STON2: variants seen among roughly 807,000 people sequenced by gnomAD.
The protein encoded by STON2 is stonin 2, also known as stonin-2.
A neutral mutation model predicts 65.7 loss-of-function variants in STON2; 29 were observed. The ratio of observed to expected loss-of-function variants is 0.44; its 90% CI spans 0.33 to 0.60. The LOEUF (loss-of-function observed/expected upper bound fraction) is 0.60, where lower values mean the gene tolerates loss of function less well. Among genes scored for constraint, STON2 ranks in the 20% least tolerant of loss-of-function variants. STON2 has a pLI of 0.03. For synonymous variants in STON2, 404 were observed against 414.2 expected (o/e 0.98, Z 0.30); for missense variants, 1,054 against 1,118.1 (o/e 0.94, Z 0.82).
chr14:81,339,071 T>A (rs964242592), intron 4 of STON2, among the ~76,000 whole-genome samples: 4 of 151,790 alleles, frequency 2.6e-5, no homozygotes, highest in Admixed American at 2.6e-4. Context: ...GGTGGCCAAT[T>A]AGGCAGGAAA....
At chr14:81,275,220 A>G (rs548249487) in intron 6 of STON2, among the ~76,000 whole-genome samples, 1 of 152,292 alleles carries the variant, frequency 6.6e-6, no homozygotes, top group South Asian at 2.1e-4. Flanking sequence ...ACGTTTGTAC[A>G]TACTGGAAAA....
chr14:81,298,217 C>T (rs1226383054), intron 5 of STON2, among the ~76,000 whole-genome samples: 1 of 152,100 alleles, frequency 6.6e-6, no homozygotes, highest in African/African-American at 2.4e-5. Flanking sequence ...GGGTGCCCTT[C>T]CAGGAAGGAG....
At chr14:81,382,609 C>T (rs543542752) in intron 3 of STON2, among the ~76,000 whole-genome samples, 1 of 152,090 alleles carries the variant, frequency 6.6e-6, no homozygotes, top group Admixed American at 6.5e-5. Context: ...GCAGGGCCTC[C>T]GGCGATGACA....
At chr14:81,297,491 C>T (rs1350131720) in intron 5 of STON2, among the ~76,000 whole-genome samples, 3 of 152,174 alleles carry the variant, frequency 2.0e-5, no homozygotes, top group Non-Finnish European at 2.9e-5. Flanking sequence ...GCAAATTTCT[C>T]AATTTCTGAG....
At chr14:81,400,745 T>C (rs1339214733), upstream of STON2, among the ~76,000 whole-genome samples, 1 of 152,152 alleles carries the variant, frequency 6.6e-6, no homozygotes, top group Non-Finnish European at 1.5e-5. Flanking sequence ...CGAATAGAGA[T>C]TGTGATCACA....
intron 3 of STON2, among the ~76,000 whole-genome samples, chr14:81,380,804 G>C (rs1899477964): frequency 6.6e-6 from 1 of 152,044 alleles, no homozygotes. Flanking sequence ...GAAAACAACA[G>C]ACCCTGGGGC....
In STON2 at chr14:81,329,227, G is replaced by A. The variant is rs559847399; in HGVS notation, c.572-5040C>T. Among the ~76,000 whole-genome samples the A allele has an allele frequency of 3.9e-5, 6 of 152,158 alleles. No individual in the cohort carries two copies. The South Asian group carries it at 6.2e-4, about 16-fold the overall frequency. The stretch of plus-strand genomic sequence containing the variant: ...TCCCAGCACTTTGGGAGGCCGAGGC[G>A]GGCAGATCACGAGGTCGGGAGATAG... On this transcript the variant is annotated intron_variant, in intron 4 of 7. Transcript: ENST00000614646.
At position 81,261,446 on chromosome 14, in the gene STON2, A is replaced by G. The variant is rs565668982; in HGVS notation, c.*6968T>C. Reference sequence around the variant, plus strand: ...ACCAGAAAAGAAACTAAAATTACACACTCAAACATACCATGAAAGAGATGC... The same window carrying G: ...ACCAGAAAAGAAACTAAAATTACACGCTCAAACATACCATGAAAGAGATGC... On this transcript the variant is annotated 3_prime_UTR_variant, in exon 8 of 8. Coordinates refer to ENST00000614646, the MANE Select transcript of STON2 (RefSeq NM_001394390.1). 1.6e-3 allele frequency: 270 copies of G among 167,986 alleles called. No homozygotes were observed. The highest frequency in any genetic ancestry group is 6.4e-3 in the African/African-American group (260 of 40,448). 10.4% of individuals were successfully genotyped at this position (167,986 alleles called of 1,614,324 possible). A position where few individuals can be genotyped will look rare whatever the true frequency, so the allele number is the denominator to read the frequency against.
intron 5 of STON2, among the ~76,000 whole-genome samples, chr14:81,282,501 G>C (rs1005816267): frequency 1.3e-5 from 2 of 152,030 alleles, no homozygotes; most frequent in African/African-American, 2.4e-5. Flanking sequence ...GCTGTTCTTA[G>C]TACTACTGCT....
At chr14:81,385,619 C>T (rs551888167) in intron 3 of STON2, among the ~76,000 whole-genome samples, 16 of 152,290 alleles carry the variant, frequency 1.1e-4, no homozygotes, top group African/African-American at 3.9e-4. Context: ...CTGAGGGCGC[C>T]ATCCTTCAAG....
chr14:81,368,668 T>A (rs1042152698), intron 4 of STON2, among the ~76,000 whole-genome samples: 9 of 152,096 alleles, frequency 5.9e-5, no homozygotes, highest in African/African-American at 2.2e-4. Context: ...GAGCCGAGAT[T>A]GCACCATCGC....
intron 1 of STON2, among the ~76,000 whole-genome samples, chr14:81,399,141 G>T (rs1459356991): frequency 6.6e-6 from 1 of 152,164 alleles, no homozygotes; most frequent in Non-Finnish European, 1.5e-5. Flanking sequence ...AACATCTGTG[G>T]TAGTGAAAAA....
At chr14:81,405,389 T>C (rs1900796161) in intron 2 of STON2, among the ~76,000 whole-genome samples, 1 of 152,042 alleles carries the variant, frequency 6.6e-6, no homozygotes, top group African/African-American at 2.4e-5. Context: ...TTTGAACATA[T>C]TTATAACGGC....
chr14:81,431,481 T>C (rs1902223270), intron 1 of STON2, among the ~76,000 whole-genome samples: 1 of 151,824 alleles, frequency 6.6e-6, no homozygotes, highest in African/African-American at 2.4e-5. Context: ...CTACTAAAAA[T>C]AGAAAAATTA....
intron 3 of STON2, among the ~76,000 whole-genome samples, chr14:81,386,764 G>A (rs1243277411): frequency 6.6e-6 from 1 of 152,182 alleles, no homozygotes; most frequent in Non-Finnish European, 1.5e-5. Flanking sequence ...GAAGCTTCAT[G>A]CTGACAATAG....
At position 81,267,597 on chromosome 14, in the gene STON2, T is replaced by C; in HGVS notation, c.*817A>G. 1 of 985,402 alleles carries C rather than the reference T, an allele frequency of 1.0e-6. No individual in the cohort carries two copies. The highest frequency in any genetic ancestry group is 1.2e-6 in the Non-Finnish European group (1 of 829,890). The allele number at this position is 985,402 out of a possible 1,614,324, so 61.0% of individuals were successfully genotyped here. On this transcript the variant is annotated 3_prime_UTR_variant, in exon 8 of 8. Coordinates refer to ENST00000614646, the MANE Select transcript of STON2 (RefSeq NM_001394390.1). ...TGTGAATTTGGGAATTCACTGAGAT[T>C]GAATCTACCTCTTGAACTGAACATC...
chr14:81,409,430 AAT>A (rs3041454), intron 2 of STON2, among the ~76,000 whole-genome samples: 101,443 of 147,616 alleles, frequency 0.69, 35,128 homozygotes, highest in African/African-American at 0.75. Context: ...TAAATATAAA[AAT>A]ATATATATAT....
chr14:81,417,825 G>A (rs1384160608), intron 2 of STON2, among the ~76,000 whole-genome samples: 1 of 152,128 alleles, frequency 6.6e-6, no homozygotes, highest in African/African-American at 2.4e-5. Context: ...TAAGGGAGTG[G>A]GGCTGGGACG....
At chr14:81,311,138 G>C (rs902632531) in intron 5 of STON2, among the ~76,000 whole-genome samples, 2 of 152,120 alleles carry the variant, frequency 1.3e-5, no homozygotes, top group African/African-American at 4.8e-5. Flanking sequence ...CAATAGAGCT[G>C]AATTTATATT....
Sources: gnomAD v4.1 joint callset for allele counts (sites outside exome capture counted in the v4.1 genomes callset) on GRCh38, gnomAD v4.1.1 for gene constraint, MANE v1.5 for transcripts, NCBI Gene and HGNC (gene_info 2026-07-23, HGNC 2026-07-21) for gene names.